The following COL22A1 variants were observed in gnomAD, a reference collection of about 807,000 sequenced individuals.
The protein encoded by COL22A1 is collagen type XXII alpha 1 chain, also known as collagen alpha-1(XXII) chain.
Under a neutral mutation model 248.9 loss-of-function variants are expected in COL22A1, and 221 were observed. That is an observed-to-expected ratio of 0.89 (90% CI 0.80 to 0.99). COL22A1 has a LOEUF of 0.99. Ranked by LOEUF, COL22A1 falls within the 50% of genes least tolerant of loss-of-function variation. COL22A1 has a pLI of 0.00. For synonymous variants in COL22A1, 891 were observed against 793.4 expected (o/e 1.12, Z -2.07); for missense variants, 2,240 against 2,179.0 (o/e 1.03, Z -0.56).
chr8:138,693,319 A>G (rs4909832), intron 35 of COL22A1, among the ~76,000 whole-genome samples: 57,909 of 152,082 alleles, frequency 0.38, 11,277 homozygotes, highest in South Asian at 0.46. Context: ...TGTAGAGTAC[A>G]TGTACGTGGT....
At chr8:138,870,078 T>C (rs1823205714) in intron 3 of COL22A1, among the ~76,000 whole-genome samples, 1 of 151,734 alleles carries the variant, frequency 6.6e-6, no homozygotes, top group Admixed American at 6.6e-5. Context: ...TATGCATGTG[T>C]GTGTGATGTG....
At chr8:138,838,506 C>T (rs568893660) in intron 4 of COL22A1, among the ~76,000 whole-genome samples, 1 of 152,284 alleles carries the variant, frequency 6.6e-6, no homozygotes, top group Admixed American at 6.5e-5. Flanking sequence ...TTCCCTTCAG[C>T]AGTCATATTG....
At chr8:138,896,111 C>T (rs1457008503) in intron 1 of COL22A1, among the ~76,000 whole-genome samples, 2 of 152,098 alleles carry the variant, frequency 1.3e-5, no homozygotes, top group Non-Finnish European at 2.9e-5. Context: ...AGAGTATTTG[C>T]CACTCACAGG....
rs547721814 is a variant in COL22A1, at chr8:138,700,099, C to T, written c.2592+13G>A. 1.1e-5 allele frequency: 17 copies of T among 1,612,826 alleles called. No individual in the cohort carries two copies. Among genetic ancestry groups the T allele is most frequent in the Admixed American group, 3.3e-5 (2 of 59,956 alleles). Reference sequence around the variant, plus strand: ...AGGCACACTGGGCACCCCGAGGCACCGCTACTACTTACGGGCATCCGTGGA... The same window carrying T: ...AGGCACACTGGGCACCCCGAGGCACTGCTACTACTTACGGGCATCCGTGGA... On this transcript the variant is annotated intron_variant, in intron 32 of 64. Transcript: ENST00000303045.
chr8:138,815,442 T>G (rs1468981761), intron 7 of COL22A1, among the ~76,000 whole-genome samples: 1 of 152,106 alleles, frequency 6.6e-6, no homozygotes, highest in Non-Finnish European at 1.5e-5. Flanking sequence ...CTGCAGGACA[T>G]GGTTCAAGCT....
intron 1 of COL22A1, among the ~76,000 whole-genome samples, chr8:138,891,882 G>A (rs1825096117): frequency 6.6e-6 from 1 of 152,236 alleles, no homozygotes; most frequent in Admixed American, 6.5e-5. Flanking sequence ...GAAACTTTCA[G>A]TTAACCCCTG....
chr8:138,844,499 C>CT (rs1821093841), intron 3 of COL22A1, among the ~76,000 whole-genome samples: 1 of 152,190 alleles, frequency 6.6e-6, no homozygotes, highest in Non-Finnish European at 1.5e-5. Context: ...ATACATGTGC[C>CT]TGCTGCTGGG....
chr8:138,871,480 C>T (rs1823340346), intron 3 of COL22A1, among the ~76,000 whole-genome samples: 1 of 152,182 alleles, frequency 6.6e-6, no homozygotes, highest in African/African-American at 2.4e-5. Flanking sequence ...CTTTTCTCTC[C>T]TCCAAGAGAC....
At chr8:138,684,980 C>T (rs1382262867) in intron 38 of COL22A1, among the ~76,000 whole-genome samples, 1 of 152,184 alleles carries the variant, frequency 6.6e-6, no homozygotes, top group African/African-American at 2.4e-5. Context: ...ATCTCCAGGG[C>T]GCAGCCTGTC....
intron 45 of COL22A1, among the ~76,000 whole-genome samples, chr8:138,653,963 G>C (rs554569338): frequency 6.6e-6 from 1 of 152,318 alleles, no homozygotes; most frequent in South Asian, 2.1e-4. Context: ...AGGCTACCCT[G>C]CACGTAGGCG....
chr8:138,597,932 AC>A (rs1433846278), intron 61 of COL22A1, among the ~76,000 whole-genome samples: 1 of 152,144 alleles, frequency 6.6e-6, no homozygotes, highest in African/African-American at 2.4e-5. Context: ...ACCCAGGCTG[AC>A]CACAGCCACC....
intron 1 of COL22A1, among the ~76,000 whole-genome samples, chr8:138,884,371 T>C (rs1455273396): frequency 6.6e-6 from 1 of 152,148 alleles, no homozygotes; most frequent in Non-Finnish European, 1.5e-5. Flanking sequence ...ACACAGTCAG[T>C]AAGTACCTAT....
intron 12 of COL22A1, among the ~76,000 whole-genome samples, 180 bp from the exon 13 acceptor site, chr8:138,781,160 C>T (rs1186992392): frequency 1.3e-5 from 2 of 152,014 alleles, no homozygotes; most frequent in Non-Finnish European, 2.9e-5. Context: ...AATGCAGATT[C>T]CCAGGTTTCA....
At chr8:138,842,846 C>T (rs1204963239) in intron 4 of COL22A1, among the ~76,000 whole-genome samples, 4 of 152,208 alleles carry the variant, frequency 2.6e-5, no homozygotes, top group Non-Finnish European at 5.9e-5. Context: ...GCAGCAGGTG[C>T]CCCACCTCGA....
intron 47 of COL22A1, among the ~76,000 whole-genome samples, 175 bp from the exon 48 acceptor site, chr8:138,636,970 G>A (rs917109596): frequency 5.9e-5 from 9 of 152,182 alleles, no homozygotes; most frequent in African/African-American, 2.2e-4. Context: ...CCTGGTTGAG[G>A]ATGTGTGATA....
intron 7 of COL22A1, among the ~76,000 whole-genome samples, 185 bp downstream of exon 7, chr8:138,820,951 G>T (rs984822126): frequency 6.6e-6 from 1 of 152,204 alleles, no homozygotes; most frequent in Non-Finnish European, 1.5e-5. Flanking sequence ...TAATACATGG[G>T]TGATGGTGAA....
At chr8:138,765,615 C>T (rs1833854867) in intron 16 of COL22A1, among the ~76,000 whole-genome samples, 1 of 152,252 alleles carries the variant, frequency 6.6e-6, no homozygotes, top group African/African-American at 2.4e-5. Flanking sequence ...GGAGCCACAA[C>T]ATGGGAAGGC....
chr8:138,638,298 T>C (rs1821368041), intron 47 of COL22A1, among the ~76,000 whole-genome samples: 1 of 152,252 alleles, frequency 6.6e-6, no homozygotes, highest in Non-Finnish European at 1.5e-5. Flanking sequence ...GGTTTGTGAC[T>C]GTAGGTCAAT....
At chr8:138,663,562 A>C in intron 42 of COL22A1, 143 bp downstream of exon 42, 1 of 683,832 alleles carries the variant, frequency 1.5e-6, no homozygotes, top group Non-Finnish European at 2.7e-6. Flanking sequence ...CAGAGTTCAT[A>C]GGTTGGACAG....
Sources: gnomAD v4.1 joint callset for allele counts (sites outside exome capture counted in the v4.1 genomes callset) on GRCh38, gnomAD v4.1.1 for gene constraint, MANE v1.5 for transcripts, NCBI Gene and HGNC (gene_info 2026-07-23, HGNC 2026-07-21) for gene names.